The following TAFA4 variants were observed in gnomAD, a reference collection of about 807,000 sequenced individuals.
TAFA4 encodes TAFA chemokine like family member 4.
TAFA4 carries 20 observed loss-of-function variants against 21.1 expected under a neutral mutation model. The ratio of observed to expected loss-of-function variants is 0.95; its 90% CI spans 0.67 to 1.38. TAFA4 has a LOEUF of 1.38. Among genes scored for constraint, TAFA4 ranks in the 40% most tolerant of loss-of-function variants. The pLI is 0.00. For synonymous variants in TAFA4, 71 were observed against 67.4 expected (o/e 1.05, Z -0.26); for missense variants, 211 against 180.9 (o/e 1.17, Z -0.95).
intron 3 of TAFA4, among the ~76,000 whole-genome samples, chr3:68,770,534 C>G (rs1322388744): frequency 1.3e-5 from 2 of 152,194 alleles, no homozygotes; most frequent in African/African-American, 4.8e-5. Flanking sequence ...TGCTCTAAAA[C>G]ACCAGTTTTC....
rs1362068831 is a variant in TAFA4, at chr3:68,831,010, C to T, written c.130+49720G>A. ...GTTTTATCAGAGACCAGGATTGCAA[C>T]CCCTGTTTTTTTCTGCTTTCCATTT... On this transcript the variant is annotated intron_variant, in intron 3 of 5. Transcript: ENST00000295569. Among the ~76,000 whole-genome samples, 6 of 152,104 alleles carry T rather than the reference C, an allele frequency of 3.9e-5. No homozygotes were observed. In the South Asian group the frequency reaches 6.2e-4, roughly 16 times the overall value.
chr3:68,846,449 A>G (rs997619706), intron 3 of TAFA4, among the ~76,000 whole-genome samples: 1 of 151,824 alleles, frequency 6.6e-6, no homozygotes, highest in Non-Finnish European at 1.5e-5. Flanking sequence ...TCTTCCTTGC[A>G]TTGTGTTAGA....
intron 2 of TAFA4, among the ~76,000 whole-genome samples, chr3:68,881,925 G>C (rs2089623485): frequency 6.6e-6 from 1 of 152,042 alleles, no homozygotes; most frequent in Non-Finnish European, 1.5e-5. Flanking sequence ...CAAAGCCTCA[G>C]GGGAATTGAA....
intron 3 of TAFA4, among the ~76,000 whole-genome samples, chr3:68,783,475 A>T (rs950418846): frequency 1.3e-5 from 2 of 152,128 alleles, no homozygotes; most frequent in Non-Finnish European, 1.5e-5. Context: ...GAGGCCTTCC[A>T]AGAATAAATT....
At chr3:68,857,956 C>T (rs888606591) in intron 3 of TAFA4, among the ~76,000 whole-genome samples, 2 of 152,134 alleles carry the variant, frequency 1.3e-5, no homozygotes, top group African/African-American at 4.8e-5. Flanking sequence ...TCCATCTCAT[C>T]CCATCATTCA....
chr3:68,782,441 T>C (rs1045691306), intron 3 of TAFA4, among the ~76,000 whole-genome samples: 1 of 152,098 alleles, frequency 6.6e-6, no homozygotes, highest in Non-Finnish European at 1.5e-5. Flanking sequence ...TATACACAAA[T>C]GTTTATGGAG....
intron 3 of TAFA4, among the ~76,000 whole-genome samples, chr3:68,819,041 G>C (rs946491252): frequency 6.6e-6 from 1 of 152,144 alleles, no homozygotes; most frequent in East Asian, 1.9e-4. Context: ...GGGAGGCCAA[G>C]GCAGGTGGAT....
In TAFA4 at chr3:68,739,164, T is replaced by A; in HGVS notation, c.322A>T (p.Asn108Tyr). 6.2e-7 allele frequency: 1 copy of A among 1,613,990 alleles called. No individual in the cohort carries two copies. The highest frequency in any genetic ancestry group is 8.5e-7 in the Non-Finnish European group (1 of 1,179,896). ...IVIQKWWCHM[N>Y]PCLEGEDCKV... is the part of the protein sequence containing the mutation. ...CAATCCTCTCCTTCCAAACACGGAT[T>A]CATGTGACACCACCATTTCTGAATC... The change falls in exon 5 of 6, where the codon AAT (asparagine) becomes TAT (tyrosine). Residue 108 changes from asparagine (N) to tyrosine (Y), a missense_variant. Coordinates refer to ENST00000295569, the MANE Select transcript of TAFA4 (RefSeq NM_182522.5).
At chr3:68,751,618 T>G (rs1282480552) in intron 4 of TAFA4, among the ~76,000 whole-genome samples, 1 of 152,344 alleles carries the variant, frequency 6.6e-6, no homozygotes, top group African/African-American at 2.4e-5. Context: ...CCTTTATCAA[T>G]AATCCCCAAA....
At chr3:68,892,416 T>C (rs1212300713) in intron 1 of TAFA4, among the ~76,000 whole-genome samples, 1 of 152,048 alleles carries the variant, frequency 6.6e-6, no homozygotes, top group Non-Finnish European at 1.5e-5. Flanking sequence ...TGGTAGAGAG[T>C]TGTTTTAGCA....
chr3:68,866,267 T>C (rs2089416782), intron 3 of TAFA4, among the ~76,000 whole-genome samples: 1 of 152,012 alleles, frequency 6.6e-6, no homozygotes, highest in South Asian at 2.1e-4. Context: ...ACTTCTCACA[T>C]GGCAGGATAT....
At chr3:68,916,111 T>A (rs1050324717) in intron 1 of TAFA4, 3 of 152,196 alleles carry the variant, frequency 2.0e-5, no homozygotes, top group South Asian at 2.1e-4. Context: ...GTTTAAGAAA[T>A]GTTGTGAGGT....
chr3:68,900,096 A>C (rs1427883914), intron 1 of TAFA4, among the ~76,000 whole-genome samples: 6 of 137,516 alleles, frequency 4.4e-5, no homozygotes, highest in Admixed American at 1.5e-4. Context: ...AAAAAAAAAA[A>C]ACACAAAAAT....
chr3:68,851,447 T>C (rs1704948238), intron 3 of TAFA4, among the ~76,000 whole-genome samples: 1 of 152,006 alleles, frequency 6.6e-6, no homozygotes, highest in South Asian at 2.1e-4. Context: ...TGGCACACAT[T>C]TACCTATGCC....
At chr3:68,807,573 A>G (rs1703729071) in intron 3 of TAFA4, among the ~76,000 whole-genome samples, 1 of 152,216 alleles carries the variant, frequency 6.6e-6, no homozygotes, top group South Asian at 2.1e-4. Context: ...AATGATCTGC[A>G]GGGCATTCAC....
intron 1 of TAFA4, among the ~76,000 whole-genome samples, chr3:68,910,107 T>C (rs2089946530): frequency 6.6e-6 from 1 of 152,232 alleles, no homozygotes; most frequent in African/African-American, 2.4e-5. Context: ...CTTCAAGCCA[T>C]CATAGAGTCT....
At chr3:68,810,733 T>C (rs895660260) in intron 3 of TAFA4, among the ~76,000 whole-genome samples, 5 of 152,224 alleles carry the variant, frequency 3.3e-5, no homozygotes, top group Admixed American at 1.3e-4. Flanking sequence ...CTCTGCAGAC[T>C]CCACCTCTGG....
At chr3:68,921,786 G>GT (rs1192664860) in intron 1 of TAFA4, among the ~76,000 whole-genome samples, 1 of 152,222 alleles carries the variant, frequency 6.6e-6, no homozygotes, top group Non-Finnish European at 1.5e-5. Flanking sequence ...TTGAAGCCTT[G>GT]TTTTTTCCTA....
At chr3:68,930,094 C>A (rs1449309795) in intron 1 of TAFA4, among the ~76,000 whole-genome samples, 20 of 152,124 alleles carry the variant, frequency 1.3e-4, no homozygotes, top group Non-Finnish European at 2.6e-4. Context: ...GGCTAGGTAC[C>A]ACTGAAAAGG....
Sources: gnomAD v4.1 joint callset for allele counts (sites outside exome capture counted in the v4.1 genomes callset) on GRCh38, gnomAD v4.1.1 for gene constraint, MANE v1.5 for transcripts, NCBI Gene and HGNC (gene_info 2026-07-23, HGNC 2026-07-21) for gene names.